The following CEP83 variants were observed in gnomAD, a reference collection of about 807,000 sequenced individuals.
CEP83 encodes the protein centrosomal protein 83.
In CEP83, 70 loss-of-function variants were observed where a neutral mutation model predicts 101.9. The observed-to-expected ratio is 0.69, with a 90% CI of 0.57 to 0.84. The LOEUF (loss-of-function observed/expected upper bound fraction) is 0.84, where lower values mean the gene tolerates loss of function less well. CEP83 is among the 40% of genes least tolerant of loss of function. The pLI, the probability that CEP83 is intolerant of heterozygous loss-of-function variation, is 0.00. For synonymous variants in CEP83, 264 were observed against 267.9 expected (o/e 0.99, Z 0.14); for missense variants, 715 against 787.2 (o/e 0.91, Z 1.10).
downstream of CEP83, among the ~76,000 whole-genome samples, chr12:94,302,502 A>G (rs1968565137): frequency 6.6e-6 from 1 of 152,218 alleles, no homozygotes; most frequent in African/African-American, 2.4e-5. Context: ...TCATTTGACT[A>G]ATAAAGTTCA....
chr12:94,303,920 G>A (rs986680886), downstream of CEP83: 1 of 1,607,860 alleles, frequency 6.2e-7, no homozygotes, highest in Admixed American at 1.7e-5. Flanking sequence ...GCAGAAATAA[G>A]CTTATATTTG....
At chr12:94,429,909 T>C (rs1197189235) in intron 2 of CEP83, among the ~76,000 whole-genome samples, 1 of 152,182 alleles carries the variant, frequency 6.6e-6, no homozygotes, top group East Asian at 1.9e-4. Context: ...TGCCTGCATA[T>C]AGCTGGTATC....
At chr12:94,407,785 G>GA (rs1566114854) in intron 4 of CEP83, among the ~76,000 whole-genome samples, 1 of 151,988 alleles carries the variant, frequency 6.6e-6, no homozygotes, top group African/African-American at 2.4e-5. Context: ...CCCATTTTAG[G>GA]AAAAAATATT....
the CEP83 span, among the ~76,000 whole-genome samples, chr12:94,287,034 A>G: frequency 2.0e-5 from 3 of 152,216 alleles, no homozygotes; most frequent in African/African-American, 7.2e-5. Flanking sequence ...GCTTTCCATG[A>G]CAATAACCAT....
At chr12:94,431,415 C>G (rs1250457399) in intron 2 of CEP83, among the ~76,000 whole-genome samples, 1 of 151,912 alleles carries the variant, frequency 6.6e-6, no homozygotes, top group Non-Finnish European at 1.5e-5. Flanking sequence ...TTCAAAAGCA[C>G]AGAAAACAAG....
At chr12:94,445,829 T>C (rs2138467246) in intron 1 of CEP83, among the ~76,000 whole-genome samples, 1 of 152,314 alleles carries the variant, frequency 6.6e-6, no homozygotes, top group Non-Finnish European at 1.5e-5. Flanking sequence ...TGGGTGTGTA[T>C]TTAAGTGCAC....
At position 94,379,452 on chromosome 12, in the gene CEP83, T is replaced by G. The variant is rs549550417; in HGVS notation, c.550-410A>C. On this transcript the variant is annotated intron_variant, in intron 6 of 16. Transcript: ENST00000397809. Reference sequence around the variant, plus strand: ...TTGAGCTAGTCTATACTAATAAAATTATCTATGTCAGGGCAACTTAATTCA... The same window carrying G: ...TTGAGCTAGTCTATACTAATAAAATGATCTATGTCAGGGCAACTTAATTCA... Among the ~76,000 whole-genome samples, 10 of 152,290 alleles carry G rather than the reference T, an allele frequency of 6.6e-5. No individual in the cohort carries two copies. The South Asian group carries it at 1.9e-3, about 28-fold the overall frequency.
At chr12:94,390,645 T>C (rs1593641305) in intron 6 of CEP83, among the ~76,000 whole-genome samples, 1 of 152,180 alleles carries the variant, frequency 6.6e-6, no homozygotes, top group Non-Finnish European at 1.5e-5. Context: ...TTGACAGAAG[T>C]AGGCTTCAGA....
chr12:94,376,192 T>C (rs946733093), intron 7 of CEP83, among the ~76,000 whole-genome samples, 175 bp from the exon 8 acceptor site: 10 of 152,168 alleles, frequency 6.6e-5, no homozygotes, highest in Admixed American at 2.6e-4. Context: ...AAACGAAAGA[T>C]AGTGTTCCAG....
rs372947204 is a variant in CEP83 at position 94,431,923 on chromosome 12, C to T, written c.-102+3352G>A. ...AGAACTAGTATACAATCTAGTAATC[C>T]CACAATGGGGTATTTATTCAAAGGA... On this transcript the variant is annotated intron_variant, in intron 2 of 16. Transcript: ENST00000397809. Among the ~76,000 whole-genome samples the T allele has an allele frequency of 2.6e-5, 4 of 152,192 alleles. No individual in the cohort carries two copies. The East Asian group carries it at 5.8e-4, about 22-fold the overall frequency.
At chr12:94,437,661 C>A (rs529844373) in intron 1 of CEP83, among the ~76,000 whole-genome samples, 1 of 152,136 alleles carries the variant, frequency 6.6e-6, no homozygotes, top group Non-Finnish European at 1.5e-5. Flanking sequence ...GCAATAGAGT[C>A]TTTTTCATAC....
Position 94,403,211 on chromosome 12 carries a change from A to T in CEP83, c.376T>A (p.Leu126Ile), listed in dbSNP as rs778855901. 2 of 1,588,028 alleles carry T rather than the reference A, an allele frequency of 1.3e-6. No individual in the cohort carries two copies. The highest frequency in any genetic ancestry group is 1.7e-6 in the Non-Finnish European group (2 of 1,157,294). The change falls in exon 5 of 17, where the codon TTA (leucine) becomes ATA (isoleucine). Residue 126 changes from leucine to isoleucine, a missense_variant. Physicochemically the swap from Leu to Ile is conservative, Grantham distance 5 (BLOSUM62 2). Coordinates refer to ENST00000397809, the MANE Select transcript of CEP83 (RefSeq NM_016122.3). Reference protein sequence around the residue: ...ELLRAQIQQELETPMRERFRN... With the variant: ...ELLRAQIQQEIETPMRERFRN... ...AAACGTTCTCTCATTGGAGTTTCTAATTCTTGTTGTATTTGGGCTCTTAGC... is the reference window on the plus strand; with the variant it reads ...AAACGTTCTCTCATTGGAGTTTCTATTTCTTGTTGTATTTGGGCTCTTAGC...
chr12:94,368,917 G>A (rs2061156414), intron 9 of CEP83: 1 of 152,214 alleles, frequency 6.6e-6, no homozygotes, highest in African/African-American at 2.4e-5. Flanking sequence ...CTACTGAGGA[G>A]GCTTAGGCAG....
At chr12:94,394,228 C>A (rs1214318707) in intron 6 of CEP83, among the ~76,000 whole-genome samples, 1 of 152,182 alleles carries the variant, frequency 6.6e-6, no homozygotes, top group Non-Finnish European at 1.5e-5. Flanking sequence ...AACTATACTA[C>A]AAGGCTACAG....
At chr12:94,391,692 TAA>T (rs1247542085) in intron 6 of CEP83, among the ~76,000 whole-genome samples, 16 of 151,970 alleles carry the variant, frequency 1.1e-4, no homozygotes, top group African/African-American at 1.9e-4. Flanking sequence ...GCAAATTGGA[TAA>T]AGAGTCAAGA....
chr12:94,406,450 T>TGAGA (rs145004289), intron 4 of CEP83, among the ~76,000 whole-genome samples: 13 of 148,514 alleles, frequency 8.8e-5, no homozygotes, highest in African/African-American at 2.2e-4. Flanking sequence ...CAGAGAAGCA[T>TGAGA]GAGAGAGAGA....
In CEP83 at chr12:94,333,613, C is replaced by T. The variant is rs749065427; in HGVS notation, c.1446G>A (p.Val482=). The change falls in exon 13 of 17, where the codon GTG becomes GTA. Residue 482 remains valine, a synonymous_variant. Coordinates refer to ENST00000397809, the MANE Select transcript of CEP83 (RefSeq NM_016122.3). The stretch of plus-strand genomic sequence containing the variant: ...CATTCTCTGACTGTGCAAGTGAAGT[C>T]ACTTGGATCTGCAAACTACTGATTT... The part of the protein sequence containing the change: ...KQQISSLQIQ[V]TSLAQSENDL... 1.2e-6 allele frequency: 2 copies of T among 1,612,682 alleles called. No homozygotes were observed. The highest frequency in any genetic ancestry group is 2.7e-5 in the African/African-American group (2 of 74,844).
At chr12:94,411,931 C>T in intron 3 of CEP83, 84 bp from the exon 4 acceptor site, 1 of 1,082,664 alleles carries the variant, frequency 9.2e-7, no homozygotes, top group East Asian at 2.4e-5. Context: ...ATCAACACCA[C>T]AGAAAAACAA....
chr12:94,280,035 G>A, the CEP83 span: 1 of 360,020 alleles, frequency 2.8e-6, no homozygotes, highest in South Asian at 2.1e-5. Context: ...TGTTTGTTGT[G>A]ATACTGAGCG....
Sources: allele counts gnomAD v4.1 joint callset (sites outside exome capture counted in the v4.1 genomes callset), GRCh38; gene constraint gnomAD v4.1.1; transcripts MANE v1.5; gene names NCBI Gene and HGNC (gene_info 2026-07-23, HGNC 2026-07-21).